TPMT: variants seen among roughly 807,000 people sequenced by gnomAD.
TPMT encodes S-adenosyl-L-methionine:thiopurine S-methyltransferase.
TPMT carries 18 observed loss-of-function variants against 34.2 expected under a neutral mutation model. The observed-to-expected ratio is 0.53, with a 90% CI of 0.36 to 0.78. The LOEUF (loss-of-function observed/expected upper bound fraction) is 0.78, where lower values mean the gene tolerates loss of function less well. Ranked by LOEUF, TPMT falls within the 30% of genes least tolerant of loss-of-function variation. TPMT has a pLI of 0.00. For synonymous variants in TPMT, 69 were observed against 92.4 expected (o/e 0.75, Z 1.45); for missense variants, 265 against 288.1 (o/e 0.92, Z 0.58).
At position 18,132,378 on chromosome 6, in the gene TPMT, G is replaced by T. The variant is rs1235771198; in HGVS notation, c.581-201C>A. ...CCCCATCATATCCATCTTTAGCTTA[G>T]ATGAGACAGCTAAACCGGTCAAGGG... On this transcript the variant is annotated intron_variant, in intron 7 of 8. Coordinates refer to ENST00000309983, the MANE Select transcript of TPMT (RefSeq NM_000367.5). The surrounding 1 kb of genome is among the most constrained non-coding windows in gnomAD (Gnocchi z 4.8). 1.3e-5 allele frequency among the ~76,000 whole-genome samples: 2 copies of T among 152,198 alleles called. No homozygotes were observed. The highest frequency in any genetic ancestry group is 4.8e-5 in the African/African-American group (2 of 41,442).
chr6:18,147,566 G>A (rs1310403431), intron 3 of TPMT, among the ~76,000 whole-genome samples: 1 of 152,108 alleles, frequency 6.6e-6, no homozygotes, highest in African/African-American at 2.4e-5. Context: ...AAAAGGGAAG[G>A]CTGTTTTTTC....
Position 18,131,658 on chromosome 6 carries a change from T to C in TPMT, c.625+475A>G, listed in dbSNP as rs1783945256. On this transcript the variant is annotated intron_variant, in intron 8 of 8. Transcript: ENST00000309983. The surrounding 1 kb of genome is among the most constrained non-coding windows in gnomAD (Gnocchi z 4.3). ...CCTTTAACATAGAGCATATAGCATA[T>C]ATACAGAGCATATTTACAGAGATTA... Among the ~76,000 whole-genome samples the C allele has an allele frequency of 6.6e-6, 1 of 152,200 alleles. No homozygotes were observed. The highest frequency in any genetic ancestry group is 2.4e-5 in the African/African-American group (1 of 41,456).
intron 1 of TPMT, among the ~76,000 whole-genome samples, chr6:18,152,026 T>C: frequency 6.6e-6 from 1 of 152,214 alleles, no homozygotes; most frequent in East Asian, 1.9e-4. Flanking sequence ...CAAAGCCTGC[T>C]GGTGTGGTGA....
intron 6 of TPMT, among the ~76,000 whole-genome samples, chr6:18,137,039 T>G (rs889300659): frequency 1.3e-5 from 2 of 151,956 alleles, no homozygotes; most frequent in African/African-American, 4.8e-5. Flanking sequence ...TGGTCTAATT[T>G]AAAAAGATTA....
Position 18,131,537 on chromosome 6 carries a change from C to T in TPMT, c.625+596G>A, listed in dbSNP as rs1783941644. On this transcript the variant is annotated intron_variant, in intron 8 of 8. Transcript: ENST00000309983. This position sits in a 1 kb window ranked among gnomAD's most constrained non-coding sequence, Gnocchi z 4.3. ...TCGAGGCTGCAGTGAGCTGTGATTG[C>T]ACTTCTGTACTCCAGCCTGGGTGAC... Among the ~76,000 whole-genome samples the T allele has an allele frequency of 6.6e-6, 1 of 152,076 alleles. No homozygotes were observed. The highest frequency in any genetic ancestry group is 2.4e-5 in the African/African-American group (1 of 41,392).
chr6:18,143,258 G>C lies in TPMT; in HGVS notation c.366+338C>G, dbSNP rs932918255. 2.6e-5 allele frequency among the ~76,000 whole-genome samples: 4 copies of C among 152,156 alleles called. No individual in the cohort carries two copies. Among genetic ancestry groups the C allele is most frequent in the Middle Eastern group, 3.2e-3 (1 of 316 alleles). The stretch of plus-strand genomic sequence containing the variant: ...AGATTCTTTAGGGGTGGGAGTGAGG[G>C]GGGTGTGCTGTGTTATCTTTATCTC... On this transcript the variant is annotated intron_variant, in intron 4 of 8. Coordinates refer to ENST00000309983, the MANE Select transcript of TPMT (RefSeq NM_000367.5). This position sits in a 1 kb window ranked among gnomAD's most constrained non-coding sequence, Gnocchi z 6.1.
rs1783918489 is a variant in TPMT at position 18,130,397 on chromosome 6, A to G, written c.*271T>C. On this transcript the variant is annotated 3_prime_UTR_variant, in exon 9 of 9. Coordinates refer to ENST00000309983, the MANE Select transcript of TPMT (RefSeq NM_000367.5). This position sits in a 1 kb window ranked among gnomAD's most constrained non-coding sequence, Gnocchi z 4.2. ...CAGGTAACACATGCTGATTGGTAAAATATCTTGCAATCTGCAAGACACATA... is the reference window on the plus strand; with the variant it reads ...CAGGTAACACATGCTGATTGGTAAAGTATCTTGCAATCTGCAAGACACATA... 8.0e-6 allele frequency: 3 copies of G among 374,022 alleles called. No individual in the cohort carries two copies. The highest frequency in any genetic ancestry group is 1.5e-5 in the Non-Finnish European group (3 of 203,362). The allele number at this position is 374,022 out of a possible 1,614,324, so 23.2% of individuals were successfully genotyped here.
In TPMT at chr6:18,145,659, C is replaced by T. The variant is rs1030106994; in HGVS notation, c.234-1931G>A. ...AACATATAACTTGTCTTTCATCTTTCGTATTTCTTAGGATATCTGTAAACA... is the reference window on the plus strand; with the variant it reads ...AACATATAACTTGTCTTTCATCTTTTGTATTTCTTAGGATATCTGTAAACA... On this transcript the variant is annotated intron_variant, in intron 3 of 8. Coordinates refer to ENST00000309983, the MANE Select transcript of TPMT (RefSeq NM_000367.5). This position sits in a 1 kb window ranked among gnomAD's most constrained non-coding sequence, Gnocchi z 5.6. Among the ~76,000 whole-genome samples, 5 of 152,124 alleles carry T rather than the reference C, an allele frequency of 3.3e-5. No individual in the cohort carries two copies. Among genetic ancestry groups the T allele is most frequent in the African/African-American group, 7.2e-5 (3 of 41,430 alleles).
In TPMT at chr6:18,132,271, T is replaced by A. The variant is rs1175601463; in HGVS notation, c.581-94A>T. The stretch of plus-strand genomic sequence containing the variant: ...TTCATTATCCAAATAGGTGATGATG[T>A]GGCATGTTCTTCTCATTCTTCTTTT... On this transcript the variant is annotated intron_variant, in intron 7 of 8. Transcript: ENST00000309983. This position sits in a 1 kb window ranked among gnomAD's most constrained non-coding sequence, Gnocchi z 4.8. The A allele has an allele frequency of 5.1e-6, 6 of 1,178,592 alleles. No individual in the cohort carries two copies. The highest frequency in any genetic ancestry group is 1.5e-5 in the African/African-American group (1 of 65,980). The allele number at this position is 1,178,592 out of a possible 1,614,324, so 73.0% of individuals were successfully genotyped here. A position where few individuals can be genotyped will look rare whatever the true frequency, so the allele number is the denominator to read the frequency against.
chr6:18,137,402 T>A (rs904786902), intron 6 of TPMT, among the ~76,000 whole-genome samples: 3 of 152,194 alleles, frequency 2.0e-5, no homozygotes, highest in Admixed American at 2.0e-4. Flanking sequence ...CCTAAAGTGC[T>A]GGGATTACAG....
In TPMT at chr6:18,149,511, C is replaced by T. The variant is rs1784312330; in HGVS notation, c.-44-340G>A. 6.6e-6 allele frequency among the ~76,000 whole-genome samples: 1 copy of T among 151,738 alleles called. No individual in the cohort carries two copies. Among genetic ancestry groups the T allele is most frequent in the Non-Finnish European group, 1.5e-5 (1 of 67,944 alleles). On this transcript the variant is annotated intron_variant, in intron 1 of 8. Coordinates refer to ENST00000309983, the MANE Select transcript of TPMT (RefSeq NM_000367.5). This position sits in a 1 kb window ranked among gnomAD's most constrained non-coding sequence, Gnocchi z 5.0. ...AGAGACAAGGTCTTGCTCTGTCACC[C>T]AGGCTGGAGACCCTGGCTTACTGCA...
chr6:18,150,087 C>T lies in TPMT; in HGVS notation c.-44-916G>A, dbSNP rs937611623. Among the ~76,000 whole-genome samples the T allele has an allele frequency of 6.6e-6, 1 of 152,194 alleles. No homozygotes were observed. Among genetic ancestry groups the T allele is most frequent in the African/African-American group, 2.4e-5 (1 of 41,448 alleles). On this transcript the variant is annotated intron_variant, in intron 1 of 8. Transcript: ENST00000309983. This position sits in a 1 kb window ranked among gnomAD's most constrained non-coding sequence, Gnocchi z 5.3. ...CCTAAGATTTCCCTCCTCACTTAGACACCAGTTGCAAGTCCAGGCCTCCAC... is the reference window on the plus strand; with the variant it reads ...CCTAAGATTTCCCTCCTCACTTAGATACCAGTTGCAAGTCCAGGCCTCCAC...
chr6:18,152,050 G>A (rs1193856122), intron 1 of TPMT, among the ~76,000 whole-genome samples: 1 of 152,084 alleles, frequency 6.6e-6, no homozygotes, highest in African/African-American at 2.4e-5. Flanking sequence ...GTACACACTT[G>A]GTTGCAAGAA....
Position 18,139,834 on chromosome 6 carries a change from A to ATGTT in TPMT, c.367-118_367-117insAACA. 1.5e-6 allele frequency: 1 copy of ATGTT among 669,850 alleles called. No homozygotes were observed. The allele number at this position is 669,850 out of a possible 1,614,324, so 41.5% of individuals were successfully genotyped here. On this transcript the variant is annotated intron_variant, in intron 4 of 8. Coordinates refer to ENST00000309983, the MANE Select transcript of TPMT (RefSeq NM_000367.5). This position sits in a 1 kb window ranked among gnomAD's most constrained non-coding sequence, Gnocchi z 4.2. Reference sequence around the variant, plus strand: ...TAGGGAAAGAATGTGTTAATTAAACATAATTAAAGTAAATAATTTTACTGC... The same window carrying ATGTT: ...TAGGGAAAGAATGTGTTAATTAAACATGTTTAATTAAAGTAAATAATTTTACTGC...
Position 18,150,466 on chromosome 6 carries a change from C to T in TPMT, c.-44-1295G>A, listed in dbSNP as rs1475617255. 6.6e-6 allele frequency among the ~76,000 whole-genome samples: 1 copy of T among 152,162 alleles called. No homozygotes were observed. The highest frequency in any genetic ancestry group is 1.5e-5 in the Non-Finnish European group (1 of 68,028). Reference sequence around the variant, plus strand: ...TCAATATCATCTTGGAGAATTCTCTCCTGGAATCTGCCCTGATTATTCTCT... The same window carrying T: ...TCAATATCATCTTGGAGAATTCTCTTCTGGAATCTGCCCTGATTATTCTCT... On this transcript the variant is annotated intron_variant, in intron 1 of 8. Coordinates refer to ENST00000309983, the MANE Select transcript of TPMT (RefSeq NM_000367.5). The surrounding 1 kb of genome is among the most constrained non-coding windows in gnomAD (Gnocchi z 5.3).
Position 18,133,315 on chromosome 6 carries a change from G to A in TPMT, c.580+489C>T, listed in dbSNP as rs142469704. On this transcript the variant is annotated intron_variant, in intron 7 of 8. Transcript: ENST00000309983. ...ACAGATTCAAAACAAATAAAAGAATGCAATAGATAGATTATAAAACTTCAG... is the reference window on the plus strand; with the variant it reads ...ACAGATTCAAAACAAATAAAAGAATACAATAGATAGATTATAAAACTTCAG... Among the ~76,000 whole-genome samples the A allele has an allele frequency of 3.8e-3, 578 of 152,280 alleles. 3 individuals are homozygous for A. Among genetic ancestry groups the A allele is most frequent in the African/African-American group, 0.013 (525 of 41,564 alleles).
rs1784103655 is a variant in TPMT, at chr6:18,139,568, A to G, written c.419+97T>C. The G allele has an allele frequency of 1.0e-6, 1 of 965,166 alleles. No homozygotes were observed. The allele number at this position is 965,166 out of a possible 1,614,324, so 59.8% of individuals were successfully genotyped here. A position where few individuals can be genotyped will look rare whatever the true frequency, so the allele number is the denominator to read the frequency against. ...AAAAAATGCTTTGTGGATGTTACACAGGAGGAAGAGAGTGAGGAAGACACC... is the reference window on the plus strand; with the variant it reads ...AAAAAATGCTTTGTGGATGTTACACGGGAGGAAGAGAGTGAGGAAGACACC... On this transcript the variant is annotated intron_variant, in intron 5 of 8. Transcript: ENST00000309983. The surrounding 1 kb of genome is among the most constrained non-coding windows in gnomAD (Gnocchi z 4.2).
chr6:18,152,613 A>G lies in TPMT; in HGVS notation c.-45+2420T>C, dbSNP rs1054450207. ...TTTCTTTTTTTTTTTTTTGAGATGG[A>G]GTTTCGCTCTTGTTGCCCAGGCTGG... is the stretch of plus-strand genomic sequence containing the variant. On this transcript the variant is annotated intron_variant, in intron 1 of 8. Transcript: ENST00000309983. Among the ~76,000 whole-genome samples, 130 of 141,994 alleles carry G rather than the reference A, an allele frequency of 9.2e-4. 1 individual carries two copies. The highest frequency in any genetic ancestry group is 3.1e-3 in the African/African-American group (119 of 37,820). 93.2% of individuals were successfully genotyped at this position (141,994 alleles called of 152,430 possible).
Position 18,130,173 on chromosome 6 carries a change from T to G in TPMT, c.*495A>C, listed in dbSNP as rs1142354. ...GGTGGCGCACACCTGTAATCCCAGCTACTCAGGAGGCTGAGGCAGGAGAAT... is the reference window on the plus strand; with the variant it reads ...GGTGGCGCACACCTGTAATCCCAGCGACTCAGGAGGCTGAGGCAGGAGAAT... On this transcript the variant is annotated 3_prime_UTR_variant, in exon 9 of 9. Coordinates refer to ENST00000309983, the MANE Select transcript of TPMT (RefSeq NM_000367.5). The surrounding 1 kb of genome is among the most constrained non-coding windows in gnomAD (Gnocchi z 4.2). 6.3e-6 allele frequency: 1 copy of G among 158,338 alleles called. No homozygotes were observed. Among genetic ancestry groups the G allele is most frequent in the South Asian group, 1.9e-4 (1 of 5,332 alleles). The allele number at this position is 158,338 out of a possible 1,614,324, so 9.8% of individuals were successfully genotyped here.
Sources: gnomAD v4.1 joint callset for allele counts (sites outside exome capture counted in the v4.1 genomes callset) on GRCh38, gnomAD v4.1.1 for gene constraint, Gnocchi (gnomAD v3.1) non-coding constraint, MANE v1.5 for transcripts, NCBI Gene and HGNC (gene_info 2026-07-23, HGNC 2026-07-21) for gene names.